The following ATP13A5 variants were observed in gnomAD, a reference collection of about 807,000 sequenced individuals.
The protein encoded by ATP13A5 is ATPase 13A5, also known as probable cation-transporting ATPase 13A5.
In ATP13A5, 149 loss-of-function variants were observed where a neutral mutation model predicts 150.2. The ratio of observed to expected loss-of-function variants is 0.99; its 90% CI spans 0.87 to 1.14. The LOEUF is 1.14. Ranked by LOEUF, ATP13A5 falls within the 50% of genes most tolerant of loss-of-function variation. The pLI is 0.00. For synonymous variants in ATP13A5, 497 were observed against 522.2 expected, an observed-to-expected ratio of 0.95 and a Z score of 0.66; for missense variants, 1,383 against 1,449.3, an observed-to-expected ratio of 0.95 and a Z score of 0.74.
At chr3:193,367,503 C>T (rs80182474) in intron 1 of ATP13A5, among the ~76,000 whole-genome samples, 1,987 of 152,132 alleles carry the variant, frequency 0.013, 41 homozygotes, top group African/African-American at 0.045. Flanking sequence ...TACTCAGACA[C>T]CAAACTCTGA....
At chr3:193,350,974 A>G in intron 7 of ATP13A5, 93 bp downstream of exon 7, 1 of 1,447,176 alleles carries the variant, frequency 6.9e-7, no homozygotes, top group Non-Finnish European at 9.4e-7. Context: ...CTTATGGTTG[A>G]CAAAGCAACT....
In ATP13A5 at chr3:193,334,891, A is replaced by G. The variant is rs539987979; in HGVS notation, c.1114+38T>C. ...CCCTAATCCAACTCTCCCCATGTTCAAGCATGAATTAAACTTACAAAAGTG... is the reference window on the plus strand; with the variant it reads ...CCCTAATCCAACTCTCCCCATGTTCGAGCATGAATTAAACTTACAAAAGTG... On this transcript the variant is annotated intron_variant, in intron 10 of 29. Transcript: ENST00000342358. The G allele has an allele frequency of 6.3e-6, 10 of 1,583,422 alleles. No individual in the cohort carries two copies. The East Asian group carries it at 2.0e-4, about 32-fold the overall frequency.
intron 1 of ATP13A5, among the ~76,000 whole-genome samples, chr3:193,369,418 A>C (rs1713364291): frequency 6.6e-6 from 1 of 152,108 alleles, no homozygotes; most frequent in Non-Finnish European, 1.5e-5. Context: ...AGACAATTTG[A>C]GATAAGATTT....
At chr3:193,376,902 C>G (rs1187496617) in intron 1 of ATP13A5, among the ~76,000 whole-genome samples, 1 of 152,174 alleles carries the variant, frequency 6.6e-6, no homozygotes, top group Non-Finnish European at 1.5e-5. Flanking sequence ...GCTCTACGCC[C>G]CAGAATTCTG....
chr3:193,281,429 T>C (rs1717489728), intron 27 of ATP13A5, among the ~76,000 whole-genome samples: 2 of 152,196 alleles, frequency 1.3e-5, no homozygotes, highest in Admixed American at 1.3e-4. Flanking sequence ...GAATGTTGGC[T>C]CTTCTTGGTT....
intron 5 of ATP13A5, 42 bp downstream of exon 5, chr3:193,362,339 C>A (rs1713043577): frequency 1.3e-6 from 2 of 1,536,378 alleles, no homozygotes; most frequent in Admixed American, 3.3e-5. Flanking sequence ...ACTTCATTTT[C>A]TGCTGGCAGA....
chr3:193,287,302 A>G (rs1276769084), intron 26 of ATP13A5, among the ~76,000 whole-genome samples: 2 of 152,184 alleles, frequency 1.3e-5, no homozygotes, highest in African/African-American at 2.4e-5. Flanking sequence ...AGCCTCTTCT[A>G]TTGGAAGAAG....
rs114579741 is a variant in ATP13A5 at position 193,326,290 on chromosome 3, T to C, written c.1523+706A>G. ...GCCACAGGGAGATACCATGAGGAGA[T>C]TCACCCTCCAGGGGCCCTCTTTCCC... On this transcript the variant is annotated intron_variant, in intron 13 of 29. Transcript: ENST00000342358. Among the ~76,000 whole-genome samples the C allele has an allele frequency of 1.2e-3, 177 of 152,010 alleles. 1 individual carries two copies. Among genetic ancestry groups the C allele is most frequent in the African/African-American group, 4.1e-3 (169 of 41,474 alleles).
At chr3:193,373,241 C>A (rs1004709113) in intron 1 of ATP13A5, among the ~76,000 whole-genome samples, 2 of 152,046 alleles carry the variant, frequency 1.3e-5, no homozygotes, top group Admixed American at 6.5e-5. Flanking sequence ...CAGGTTCAAG[C>A]GATCTCCTGC....
At chr3:193,323,871 T>C (rs770724519) in intron 14 of ATP13A5, 4 of 152,234 alleles carry the variant, frequency 2.6e-5, no homozygotes, top group Admixed American at 2.0e-4. Flanking sequence ...CAATCATTTG[T>C]TCCCATTCTT....
intron 22 of ATP13A5, chr3:193,306,981 G>A: frequency 2.3e-6 from 1 of 432,500 alleles, no homozygotes; most frequent in South Asian, 9.6e-5. Flanking sequence ...ACCTTGGGAG[G>A]GGGGAAGAAA....
intron 14 of ATP13A5, among the ~76,000 whole-genome samples, chr3:193,324,226 G>C (rs911931810): frequency 6.6e-6 from 1 of 152,158 alleles, no homozygotes; most frequent in Admixed American, 6.5e-5. Context: ...TTCACACTCA[G>C]CTCAGGAGAT....
chr3:193,315,172 A>G, intron 17 of ATP13A5, 76 bp from the exon 18 acceptor site: 1 of 1,450,128 alleles, frequency 6.9e-7, no homozygotes, highest in Admixed American at 2.2e-5. Context: ...CTTCTTTTAA[A>G]AATTTATAAG....
At chr3:193,317,621 T>C (rs1719099263) in intron 17 of ATP13A5, among the ~76,000 whole-genome samples, 1 of 152,188 alleles carries the variant, frequency 6.6e-6, no homozygotes, top group African/African-American at 2.4e-5. Context: ...ATTTTTCTAG[T>C]TGGAAAACTT....
At position 193,314,098 on chromosome 3, in the gene ATP13A5, C is replaced by A. The variant is rs1352082779; in HGVS notation, c.2254G>T (p.Glu752Ter). 6.2e-7 allele frequency: 1 copy of A among 1,613,968 alleles called. No homozygotes were observed. Reference sequence around the variant, plus strand: ...CAGGTCACAGAGGCAGGAACAAATTCTTCTGGTTCATCGGCCTCAACAATG... The same window carrying A: ...CAGGTCACAGAGGCAGGAACAAATTATTCTGGTTCATCGGCCTCAACAATG... ...VIIVEADEPE[E>*]FVPASVTWQL... The change falls in exon 19 of 30, where the codon GAA becomes TAA. Residue 752 changes from glutamate to a stop codon, truncating the protein, a stop_gained. Transcript: ENST00000342358. LOFTEE classifies it high-confidence loss of function.
chr3:193,280,417 C>G (rs994763363), intron 27 of ATP13A5, among the ~76,000 whole-genome samples: 4 of 152,132 alleles, frequency 2.6e-5, no homozygotes, highest in Non-Finnish European at 5.9e-5. Context: ...CTTACAAAAG[C>G]TTATTTCATA....
At chr3:193,307,722 C>G (rs1455071955) in intron 21 of ATP13A5, among the ~76,000 whole-genome samples, 1 of 152,210 alleles carries the variant, frequency 6.6e-6, no homozygotes, top group Non-Finnish European at 1.5e-5. Context: ...CAACCTAATG[C>G]AGAGATCATA....
intron 26 of ATP13A5, 125 bp downstream of exon 26, chr3:193,289,760 A>G (rs576846888): frequency 3.6e-4 from 303 of 840,620 alleles, no homozygotes; most frequent in Middle Eastern, 6.7e-4. Context: ...CCATCATTTG[A>G]GTTTTGCAGC....
At chr3:193,353,496 C>G (rs898723609) in intron 6 of ATP13A5, among the ~76,000 whole-genome samples, 6 of 152,148 alleles carry the variant, frequency 3.9e-5, no homozygotes, top group East Asian at 3.9e-4. Flanking sequence ...TTGCCCCATG[C>G]TGTGGACTGA....
Sources: gnomAD v4.1 joint callset for allele counts (sites outside exome capture counted in the v4.1 genomes callset) on GRCh38, gnomAD v4.1.1 for gene constraint, MANE v1.5 for transcripts, NCBI Gene and HGNC (gene_info 2026-07-23, HGNC 2026-07-21) for gene names.